Variants in TPRG1 observed in about 807,000 individuals in gnomAD.
TPRG1 encodes tumor protein p63 regulated 1, also known as tumor protein p63-regulated gene 1 protein.
Under a neutral mutation model 29.3 loss-of-function variants are expected in TPRG1, and 29 were observed. The ratio of observed to expected loss-of-function variants is 0.99; its 90% CI spans 0.74 to 1.35. TPRG1 has a LOEUF of 1.35. TPRG1 is among the 40% of genes most tolerant of loss of function. The probability of loss-of-function intolerance (pLI) is 0.00; values close to 1 mark genes in which losing one functional copy is unlikely to be tolerated. For synonymous variants in TPRG1, 130 were observed against 116.8 expected, an observed-to-expected ratio of 1.11 and a Z score of -0.73; for missense variants, 327 against 335.0, an observed-to-expected ratio of 0.98 and a Z score of 0.19.
intron 2 of TPRG1, among the ~76,000 whole-genome samples, chr3:189,212,710 T>A (rs1447205074): frequency 2.0e-5 from 3 of 152,174 alleles, no homozygotes; most frequent in African/African-American, 7.2e-5. Context: ...ATGTGTTCAT[T>A]GCAAAGTGAC....
rs1026561775 is a variant in TPRG1, at chr3:189,238,652, T to G, written c.303-81T>G. ...GAGTTGATCAAACTTCACTGTTTTC[T>G]GTGCTAGGAGAGATGTGAAGGTCAT... On this transcript the variant is annotated intron_variant, in intron 3 of 5. Transcript: ENST00000345063. 3 of 1,215,318 alleles carry G rather than the reference T, an allele frequency of 2.5e-6. No homozygotes were observed. The African/African-American group carries it at 4.6e-5, about 18-fold the overall frequency. 75.3% of individuals were successfully genotyped at this position (1,215,318 alleles called of 1,614,324 possible). A position where few individuals can be genotyped will look rare whatever the true frequency, so the allele number is the denominator to read the frequency against.
intron 3 of TPRG1, among the ~76,000 whole-genome samples, chr3:189,220,718 A>G (rs989962963): frequency 1.3e-5 from 2 of 152,144 alleles, no homozygotes; most frequent in Admixed American, 1.3e-4. Flanking sequence ...TTAGTTTGCT[A>G]TGGATAATGA....
chr3:189,182,792 T>C (rs1939301807), intron 1 of TPRG1, among the ~76,000 whole-genome samples: 1 of 149,576 alleles, frequency 6.7e-6, no homozygotes, highest in South Asian at 2.1e-4. Flanking sequence ...TTTATTTATT[T>C]CCAGCTTTAT....
intron 4 of TPRG1, among the ~76,000 whole-genome samples, chr3:189,270,213 G>A (rs937531391): frequency 2.0e-5 from 3 of 151,994 alleles, no homozygotes; most frequent in Non-Finnish European, 4.4e-5. Context: ...AAAGGTCCAG[G>A]TGGTTTTACA....
In TPRG1 at chr3:189,156,746, C is replaced by T. The variant is rs554649286; in HGVS notation, c.-10+5874C>T. 1.8e-4 allele frequency among the ~76,000 whole-genome samples: 27 copies of T among 152,250 alleles called. 2 individuals are homozygous for T. In the East Asian group the frequency reaches 4.4e-3, roughly 25 times the overall value. ...CAGCCTCTATCTATCAGTATTTCCT[C>T]GTTGTTCTTTGATGGTAGCAGGCAG... On this transcript the variant is annotated intron_variant, in intron 5 of 6. Coordinates refer to the TPRG1 transcript ENST00000412373.
intron 2 of TPRG1, among the ~76,000 whole-genome samples, chr3:189,210,938 C>A (rs9878857): frequency 8.7e-4 from 132 of 152,202 alleles, no homozygotes; most frequent in African/African-American, 3.1e-3. Flanking sequence ...CAGGTATTTT[C>A]TATTATTAAA....
At chr3:189,219,628 G>A (rs763224574) in intron 3 of TPRG1, 2 of 1,289,064 alleles carry the variant, frequency 1.6e-6, no homozygotes, top group Non-Finnish European at 2.0e-6. Context: ...ATTTCAAAAA[G>A]TATGATATGA....
At chr3:189,311,305 G>A (rs1022510218) in intron 5 of TPRG1, among the ~76,000 whole-genome samples, 5 of 152,104 alleles carry the variant, frequency 3.3e-5, no homozygotes, top group South Asian at 2.1e-4. Context: ...TACCTTCTCC[G>A]TCCTTTTTAT....
At chr3:189,160,684 G>C (rs1231890629) in intron 5 of TPRG1, among the ~76,000 whole-genome samples, 3 of 152,156 alleles carry the variant, frequency 2.0e-5, no homozygotes, top group African/African-American at 7.2e-5. Flanking sequence ...TCCAGGGAAA[G>C]GCAAAAGCTC....
At chr3:189,072,055 C>G (rs1409587705) in intron 4 of TPRG1, among the ~76,000 whole-genome samples, 2 of 152,144 alleles carry the variant, frequency 1.3e-5, no homozygotes, top group African/African-American at 2.4e-5. Context: ...GGGCCTTTGT[C>G]AGGCTGACTT....
intron 4 of TPRG1, among the ~76,000 whole-genome samples, chr3:189,065,409 GT>G (rs1253041470): frequency 6.6e-6 from 1 of 152,002 alleles, no homozygotes; most frequent in African/African-American, 2.4e-5. Flanking sequence ...GATTTTAGAT[GT>G]AAACATTTTA....
intron 3 of TPRG1, among the ~76,000 whole-genome samples, chr3:189,019,195 C>T (rs970274951): frequency 6.6e-6 from 1 of 151,370 alleles, no homozygotes; most frequent in African/African-American, 2.4e-5. Flanking sequence ...AATTTGACTT[C>T]CTCTTTTCCT....
intron 4 of TPRG1, among the ~76,000 whole-genome samples, chr3:189,078,083 C>CTCTTTCTTTCTT (rs1185531975): frequency 3.8e-5 from 4 of 106,510 alleles, no homozygotes; most frequent in African/African-American, 1.5e-4. Flanking sequence ...CTCTCTTTCT[C>CTCTTTCTTTCTT]TCTTTCTCTC....
At chr3:189,280,644 T>C (rs1287309570) in intron 4 of TPRG1, among the ~76,000 whole-genome samples, 9 of 151,920 alleles carry the variant, frequency 5.9e-5, no homozygotes, top group Admixed American at 1.3e-4. Flanking sequence ...AAAGGGAAGG[T>C]GATTGCCATA....
At chr3:189,051,548 C>G (rs190538042) in intron 4 of TPRG1, among the ~76,000 whole-genome samples, 93 of 152,080 alleles carry the variant, frequency 6.1e-4, no homozygotes, top group Non-Finnish European at 1.1e-3. Flanking sequence ...TCAAGCAATC[C>G]TCATCAGAAT....
intron 4 of TPRG1, among the ~76,000 whole-genome samples, chr3:189,247,322 G>C (rs1207462844): frequency 6.6e-6 from 1 of 151,418 alleles, no homozygotes; most frequent in Non-Finnish European, 1.5e-5. Context: ...TTTAGTATAG[G>C]TTTTATTTTC....
chr3:189,320,354 T>C (rs1280209312), intron 5 of TPRG1, among the ~76,000 whole-genome samples: 2 of 152,118 alleles, frequency 1.3e-5, no homozygotes, highest in Non-Finnish European at 2.9e-5. Context: ...GGTAGACTTA[T>C]GTGGATGATA....
At chr3:189,181,729 C>G (rs984859630) in intron 1 of TPRG1, among the ~76,000 whole-genome samples, 4 of 152,194 alleles carry the variant, frequency 2.6e-5, no homozygotes, top group African/African-American at 9.6e-5. Context: ...CTGTTCCAAC[C>G]TCTGCCTGTT....
intron 5 of TPRG1, among the ~76,000 whole-genome samples, chr3:189,159,834 T>TTGTGTGTGTGTGTGTGTGTGTGTGTGTG (rs779237990): frequency 1.0e-5 from 1 of 95,408 alleles, no homozygotes; most frequent in African/African-American, 4.2e-5. Flanking sequence ...CATGGAGTGT[T>TTGTGTGTGTGTGTGTGTGTGTGTGTGTG]TGTGTATGTG....
Sources: allele counts gnomAD v4.1 joint callset (sites outside exome capture counted in the v4.1 genomes callset), GRCh38; gene constraint gnomAD v4.1.1; transcripts MANE v1.5; gene names NCBI Gene and HGNC (gene_info 2026-07-23, HGNC 2026-07-21).